Variants in CDK8 observed in about 807,000 individuals in gnomAD.
CDK8 encodes the protein cyclin-dependent kinase 8.
CDK8 carries 29 observed loss-of-function variants against 71.5 expected under a neutral mutation model. The observed-to-expected ratio is 0.41, with a 90% confidence interval of 0.30 to 0.55. The LOEUF (loss-of-function observed/expected upper bound fraction) is 0.55. Among genes scored for constraint, CDK8 ranks in the 20% least tolerant of loss-of-function variants. The pLI, the probability that CDK8 is intolerant of heterozygous loss-of-function variation, is 0.37. For synonymous variants in CDK8, 161 were observed against 192.1 expected, an observed-to-expected ratio of 0.84 and a Z score of 1.34; for missense variants, 288 against 572.6, an observed-to-expected ratio of 0.50 and a Z score of 5.07.
chr13:26,403,983 AACCCTGG>A lies in CDK8; in HGVS notation c.1301_1307del (p.Pro434GlnfsTer46). ...TTCCAATCCACATGCTGCCTATCCC[AACCCTGG>A]ACCAAGCACATCACAGCCGCAGAGC... On this transcript the variant is annotated frameshift_variant, in exon 13 of 13. Transcript: ENST00000381527. LOFTEE classifies it high-confidence loss of function. 6.2e-7 allele frequency: 1 copy of A among 1,613,538 alleles called. No individual in the cohort carries two copies.
At chr13:26,329,483 G>GTTTTTTTTTTT (rs543441898) in intron 1 of CDK8, among the ~76,000 whole-genome samples, 9 of 128,478 alleles carry the variant, frequency 7.0e-5, no homozygotes, top group Non-Finnish European at 9.4e-5. Context: ...TTTTTTTTTT[G>GTTTTTTTTTTT]TTTTTTTTTT....
intron 1 of CDK8, among the ~76,000 whole-genome samples, chr13:26,294,579 G>T (rs1000270267): frequency 1.3e-5 from 2 of 152,112 alleles, no homozygotes; most frequent in Admixed American, 1.3e-4. Flanking sequence ...ACGAACACTT[G>T]TCTTTTTGGT....
intron 1 of CDK8, among the ~76,000 whole-genome samples, chr13:26,255,085 G>GT (rs1380381220): frequency 1.9e-4 from 28 of 150,534 alleles, no homozygotes; most frequent in Non-Finnish European, 1.0e-4. Flanking sequence ...CGGGTTAAAT[G>GT]TTTTTTGTTT....
chr13:26,260,210 G>C (rs1165268982), intron 1 of CDK8, among the ~76,000 whole-genome samples: 1 of 152,022 alleles, frequency 6.6e-6, no homozygotes, highest in African/African-American at 2.4e-5. Context: ...AGTTCTTGCT[G>C]TACGTGTAGT....
At chr13:26,335,548 G>A (rs577197940) in intron 1 of CDK8, among the ~76,000 whole-genome samples, 6 of 151,968 alleles carry the variant, frequency 3.9e-5, no homozygotes, top group South Asian at 2.1e-4. Flanking sequence ...TGTCTCACTG[G>A]TCCCCAAAAC....
At chr13:26,356,992 A>G (rs992356765) in intron 4 of CDK8, among the ~76,000 whole-genome samples, 5 of 152,308 alleles carry the variant, frequency 3.3e-5, no homozygotes, top group South Asian at 2.1e-4. Context: ...ATTGGCACAG[A>G]CACCCTAAAA....
intron 1 of CDK8, among the ~76,000 whole-genome samples, chr13:26,262,332 G>A (rs769184644): frequency 6.6e-6 from 1 of 152,162 alleles, no homozygotes; most frequent in Non-Finnish European, 1.5e-5. Flanking sequence ...CAATGATTGT[G>A]TTCTCCCCAG....
chr13:26,262,044 A>C (rs1871792340), intron 1 of CDK8, among the ~76,000 whole-genome samples: 1 of 152,224 alleles, frequency 6.6e-6, no homozygotes, highest in Non-Finnish European at 1.5e-5. Context: ...TTCCTCAGGC[A>C]GCACCTTGTG....
At chr13:26,379,462 A>G (rs1875113731) in intron 4 of CDK8, among the ~76,000 whole-genome samples, 1 of 150,128 alleles carries the variant, frequency 6.7e-6, no homozygotes, top group South Asian at 2.1e-4. Flanking sequence ...CCAGTTCAGT[A>G]AGTCTAGAAT....
chr13:26,292,176 T>C (rs1396760207), intron 1 of CDK8, among the ~76,000 whole-genome samples: 1 of 152,192 alleles, frequency 6.6e-6, no homozygotes, highest in East Asian at 1.9e-4. Flanking sequence ...TGTGTATGTG[T>C]ATATCAGTGG....
intron 4 of CDK8, among the ~76,000 whole-genome samples, chr13:26,360,803 C>G (rs1319244097): frequency 6.6e-6 from 1 of 152,142 alleles, no homozygotes; most frequent in Non-Finnish European, 1.5e-5. Context: ...ACATGCATAT[C>G]CTTTTGCATT....
At chr13:26,264,393 C>T (rs1871929083) in intron 1 of CDK8, among the ~76,000 whole-genome samples, 1 of 152,040 alleles carries the variant, frequency 6.6e-6, no homozygotes, top group African/African-American at 2.4e-5. Context: ...TCAACTGATC[C>T]TCCCACCTTA....
chr13:26,371,238 C>T (rs2138028017), intron 4 of CDK8, among the ~76,000 whole-genome samples: 1 of 152,202 alleles, frequency 6.6e-6, no homozygotes, highest in Admixed American at 6.5e-5. Flanking sequence ...TTGCTAAAGC[C>T]TTTCATATAA....
chr13:26,361,781 T>TC (rs1168525978), intron 4 of CDK8, among the ~76,000 whole-genome samples: 2 of 141,864 alleles, frequency 1.4e-5, no homozygotes, highest in African/African-American at 2.6e-5. Context: ...TCTTTTCTTT[T>TC]CCCTTTTTTT....
At chr13:26,333,645 T>C (rs905079469) in intron 1 of CDK8, among the ~76,000 whole-genome samples, 3 of 152,208 alleles carry the variant, frequency 2.0e-5, no homozygotes, top group Non-Finnish European at 4.4e-5. Context: ...TTAAATATTA[T>C]ATAAAATTAC....
At chr13:26,280,394 A>G (rs1392387217) in intron 1 of CDK8, among the ~76,000 whole-genome samples, 1 of 152,220 alleles carries the variant, frequency 6.6e-6, no homozygotes, top group Non-Finnish European at 1.5e-5. Flanking sequence ...AGGATTTGGT[A>G]TGCATAGATG....
chr13:26,325,234 A>C (rs1433845483), intron 1 of CDK8, among the ~76,000 whole-genome samples: 1 of 152,232 alleles, frequency 6.6e-6, no homozygotes, highest in East Asian at 1.9e-4. Flanking sequence ...TAATCTTTTG[A>C]ATAAACTTAC....
chr13:26,262,784 C>G (rs897912222), intron 1 of CDK8, among the ~76,000 whole-genome samples: 1 of 152,186 alleles, frequency 6.6e-6, no homozygotes, highest in Admixed American at 6.5e-5. Context: ...CCTAAAATCA[C>G]TGGTCTGTAT....
chr13:26,261,493 A>C lies in CDK8; in HGVS notation c.128+6724A>C, dbSNP rs544969610. ...CCTCTCTCCCCAGCCGTTGACAAGCACTAATCTACTTTCTGTCTCAGTGGA... is the reference window on the plus strand; with the variant it reads ...CCTCTCTCCCCAGCCGTTGACAAGCCCTAATCTACTTTCTGTCTCAGTGGA... On this transcript the variant is annotated intron_variant, in intron 1 of 12. Transcript: ENST00000381527. Among the ~76,000 whole-genome samples, 5 of 152,206 alleles carry C rather than the reference A, an allele frequency of 3.3e-5. No homozygotes were observed. In the East Asian group the frequency reaches 9.6e-4, roughly 29 times the overall value.
Sources: gnomAD v4.1 joint callset for allele counts (sites outside exome capture counted in the v4.1 genomes callset) on GRCh38, gnomAD v4.1.1 for gene constraint, MANE v1.5 for transcripts, NCBI Gene and HGNC (gene_info 2026-07-23, HGNC 2026-07-21) for gene names.